HTRA3: variants seen among roughly 807,000 people sequenced by gnomAD.
HTRA3 encodes HtrA serine peptidase 3, also known as serine protease HTRA3.
In HTRA3, 41 loss-of-function variants were observed where a neutral mutation model predicts 43.2. That is an observed-to-expected ratio of 0.95 (90% confidence interval 0.74 to 1.23). The LOEUF (loss-of-function observed/expected upper bound fraction) is 1.23. HTRA3 is among the 50% of genes most tolerant of loss of function. The pLI is 0.00. For synonymous variants in HTRA3, 295 were observed against 287.9 expected, an observed-to-expected ratio of 1.02 and a Z score of -0.25; for missense variants, 628 against 647.1, an observed-to-expected ratio of 0.97 and a Z score of 0.32.
At chr4:8,282,595 C>A in intron 2 of HTRA3, 59 bp downstream of exon 2, 1 of 1,319,552 alleles carries the variant, frequency 7.6e-7, no homozygotes, top group Non-Finnish European at 1.1e-6. Context: ...CACCCGCCAG[C>A]TGCTGGGGCC....
chr4:8,306,111 G>A lies in HTRA3; in HGVS notation c.1337G>A (p.Ser446Asn), dbSNP rs1282724356. The change falls in exon 9 of 9, where the codon AGC becomes AAC. Residue 446 changes from serine to asparagine, a missense_variant. Coordinates refer to ENST00000307358, the MANE Select transcript of HTRA3 (RefSeq NM_053044.5). The surrounding 1 kb of genome is among the most constrained non-coding windows in gnomAD (Gnocchi z 8.9). ...CGGGGGAACGACGACCTCCTCTTCA[G>A]CATCGCACCTGAGGTGGTCATGTGA... ...VRRGNDDLLF[S>N]IAPEVVM 6.2e-7 allele frequency: 1 copy of A among 1,600,906 alleles called. No individual in the cohort carries two copies. Among genetic ancestry groups the A allele is most frequent in the East Asian group, 2.2e-5 (1 of 44,672 alleles).
At chr4:8,272,351 C>T (rs115990509) in intron 1 of HTRA3, among the ~76,000 whole-genome samples, 1 of 152,128 alleles carries the variant, frequency 6.6e-6, no homozygotes, top group Non-Finnish European at 1.5e-5. Context: ...TAGTCTTATC[C>T]CCAGAGACAG....
intron 7 of HTRA3, 29 bp downstream of exon 7, chr4:8,302,540 C>T (rs1268478696): frequency 1.9e-6 from 3 of 1,608,268 alleles, no homozygotes; most frequent in African/African-American, 1.3e-5. Flanking sequence ...CCATCCCCTG[C>T]TACCCCTTCC....
At chr4:8,274,312 C>T (rs763750359) in intron 1 of HTRA3, among the ~76,000 whole-genome samples, 23 of 152,248 alleles carry the variant, frequency 1.5e-4, no homozygotes, top group South Asian at 2.1e-4. Flanking sequence ...GATGTCCCAC[C>T]GCCCCTGAGC....
At chr4:8,293,463 G>C (rs1404417130) in intron 5 of HTRA3, among the ~76,000 whole-genome samples, 3 of 152,146 alleles carry the variant, frequency 2.0e-5, no homozygotes, top group African/African-American at 7.2e-5. Flanking sequence ...GGGATCCCTG[G>C]TGAGCTGGCC....
intron 6 of HTRA3, among the ~76,000 whole-genome samples, chr4:8,299,189 T>C (rs1661531475): frequency 6.6e-6 from 1 of 152,226 alleles, no homozygotes; most frequent in Admixed American, 6.5e-5. Flanking sequence ...TTCGGTGTAC[T>C]GGTTTTTGGG....
chr4:8,306,459 C>A lies in HTRA3; in HGVS notation c.*323C>A. The A allele has an allele frequency of 7.8e-6, 2 of 257,924 alleles. No individual in the cohort carries two copies. The highest frequency in any genetic ancestry group is 1.5e-5 in the Non-Finnish European group (2 of 133,264). 16.0% of individuals were successfully genotyped at this position (257,924 alleles called of 1,614,324 possible). ...CCTCTCCTAGCTTCCCGCCTCTGCC[C>A]CTGTGAACACCCATCTGCAGTATCC... On this transcript the variant is annotated 3_prime_UTR_variant, in exon 9 of 9. Coordinates refer to ENST00000307358, the MANE Select transcript of HTRA3 (RefSeq NM_053044.5). The surrounding 1 kb of genome is among the most constrained non-coding windows in gnomAD (Gnocchi z 8.9).
At chr4:8,303,948 C>A (rs1009364465) in intron 7 of HTRA3, among the ~76,000 whole-genome samples, 1 of 152,222 alleles carries the variant, frequency 6.6e-6, no homozygotes, top group African/African-American at 2.4e-5. Context: ...CTCCTCCCAC[C>A]TGTCTACCCA....
intron 6 of HTRA3, 125 bp downstream of exon 6, chr4:8,294,326 ACAGGT>A: frequency 4.6e-6 from 3 of 652,926 alleles, no homozygotes; most frequent in South Asian, 2.0e-5. Flanking sequence ...TCACTACTGG[ACAGGT>A]CCTGTCTGCC....
chr4:8,305,325 G>A (rs1713797241), intron 8 of HTRA3, among the ~76,000 whole-genome samples: 1 of 152,230 alleles, frequency 6.6e-6, no homozygotes, highest in Non-Finnish European at 1.5e-5. Context: ...GTTGAAATTG[G>A]GTGAAATTTT....
chr4:8,282,498 G>A lies in HTRA3; in HGVS notation c.447G>A (p.Lys149=). Residue 149 remains lysine (K), a synonymous_variant, in exon 2 of 9, where the codon AAG becomes AAA. Coordinates refer to ENST00000307358, the MANE Select transcript of HTRA3 (RefSeq NM_053044.5). ...KFNFIADVVE[K]IAPAVVHIEL... is the part of the protein sequence containing the mutation. ...ACTTCATTGCTGACGTGGTGGAGAA[G>A]ATCGCACCAGCCGTGGTCCACATAG... is the stretch of plus-strand genomic sequence containing the variant. 6.2e-7 allele frequency: 1 copy of A among 1,614,140 alleles called. No homozygotes were observed. Among genetic ancestry groups the A allele is most frequent in the Non-Finnish European group, 8.5e-7 (1 of 1,180,010 alleles).
rs149325844 is a variant in HTRA3, at chr4:8,271,989, A to G, written c.385+1636A>G. On this transcript the variant is annotated intron_variant, in intron 1 of 8. Transcript: ENST00000307358. ...GTCTTGGAGACGTTGTCATTGACTCAACGCCTGCTGCACTGTCACAGTGGC... is the reference window on the plus strand; with the variant it reads ...GTCTTGGAGACGTTGTCATTGACTCGACGCCTGCTGCACTGTCACAGTGGC... 1.8e-3 allele frequency among the ~76,000 whole-genome samples: 271 copies of G among 152,250 alleles called. 1 individual carries two copies. The highest frequency in any genetic ancestry group is 6.3e-3 in the African/African-American group (262 of 41,552).
In HTRA3 at chr4:8,286,884, CA is replaced by C. The variant is rs1263549845; in HGVS notation, c.708+102del. On this transcript the variant is annotated intron_variant, in intron 3 of 8. Transcript: ENST00000307358. The surrounding 1 kb of genome is among the most constrained non-coding windows in gnomAD (Gnocchi z 4.9). Reference sequence around the variant, plus strand: ...GAGGCAAGCTAGCCCCACCTTCCATCAGCCAGGGGGAGGAAACTGGGCCCAG... The same window carrying C: ...GAGGCAAGCTAGCCCCACCTTCCATCGCCAGGGGGAGGAAACTGGGCCCAG... 4 of 898,268 alleles carry C rather than the reference CA, an allele frequency of 4.5e-6. No individual in the cohort carries two copies. 55.6% of individuals were successfully genotyped at this position (898,268 alleles called of 1,614,324 possible). A position where few individuals can be genotyped will look rare whatever the true frequency, so the allele number is the denominator to read the frequency against.
chr4:8,280,755 C>A (rs1053946506), intron 1 of HTRA3, among the ~76,000 whole-genome samples: 4 of 152,180 alleles, frequency 2.6e-5, no homozygotes, highest in African/African-American at 9.7e-5. Flanking sequence ...CCCAGCCAGG[C>A]TCTAGCCACC....
chr4:8,282,410 TG>T lies in HTRA3; in HGVS notation c.386-26del. 3.8e-6 allele frequency: 6 copies of T among 1,579,056 alleles called. No individual in the cohort carries two copies. In the Middle Eastern group the frequency reaches 8.3e-4, roughly 219 times the overall value. ...GCTGGCAGCATCGTGATCTCACTGA[TG>T]CACCTGGCCCTTCCCGCCAGCGCAG... On this transcript the variant is annotated intron_variant, in intron 1 of 8. Transcript: ENST00000307358.
At chr4:8,270,560 G>A (rs1429758522) in intron 1 of HTRA3, among the ~76,000 whole-genome samples, 4 of 152,210 alleles carry the variant, frequency 2.6e-5, no homozygotes, top group Non-Finnish European at 4.4e-5. Context: ...CAGAATTAGA[G>A]TCAAAAGGGA....
At chr4:8,294,048 G>A in intron 5 of HTRA3, 39 bp from the exon 6 acceptor site, 1 of 1,437,588 alleles carries the variant, frequency 7.0e-7, no homozygotes, top group East Asian at 2.4e-5. Context: ...GTTTGCCTGG[G>A]TTCCCCCAAC....
chr4:8,299,646 C>T (rs1713569288), intron 6 of HTRA3, among the ~76,000 whole-genome samples: 1 of 152,110 alleles, frequency 6.6e-6, no homozygotes, highest in Non-Finnish European at 1.5e-5. Flanking sequence ...GAAAAGTTCC[C>T]TTCTATTTCT....
intron 3 of HTRA3, among the ~76,000 whole-genome samples, chr4:8,288,947 C>CCT (rs1198599293): frequency 8.5e-6 from 1 of 118,176 alleles, no homozygotes; most frequent in Non-Finnish European, 1.7e-5. Flanking sequence ...CCTTCCTCCC[C>CCT]CTCTCTCTCT....
Sources: gnomAD v4.1 joint callset for allele counts (sites outside exome capture counted in the v4.1 genomes callset) on GRCh38, gnomAD v4.1.1 for gene constraint, Gnocchi (gnomAD v3.1) non-coding constraint, MANE v1.5 for transcripts, NCBI Gene and HGNC (gene_info 2026-07-23, HGNC 2026-07-21) for gene names.